Variants in EPN1 observed in about 807,000 individuals in gnomAD.
EPN1 encodes the protein epsin-1.
Under a neutral mutation model 56.9 loss-of-function variants are expected in EPN1, and 25 were observed. The ratio of observed to expected loss-of-function variants is 0.44; its 90% CI spans 0.32 to 0.61. The LOEUF is 0.61. Ranked by LOEUF, EPN1 falls within the 20% of genes least tolerant of loss-of-function variation. The pLI, the probability that EPN1 is intolerant of heterozygous loss-of-function variation, is 0.05. For synonymous variants in EPN1, 411 were observed against 361.8 expected (o/e 1.14, Z -1.54); for missense variants, 785 against 823.7 (o/e 0.95, Z 0.58).
In EPN1 at chr19:55,702,081, C is replaced by G. The variant is rs1429961645; in HGVS notation, c.*6725C>G. The G allele has an allele frequency of 6.6e-6, 1 of 151,862 alleles. No homozygotes were observed. Among genetic ancestry groups the G allele is most frequent in the Non-Finnish European group, 1.5e-5 (1 of 68,210 alleles). 9.4% of individuals were successfully genotyped at this position (151,862 alleles called of 1,614,324 possible). On this transcript the variant is annotated 3_prime_UTR_variant, in exon 11 of 11. Transcript: ENST00000270460. The stretch of plus-strand genomic sequence containing the variant: ...GGTTCAAGCAATTCTCGTGCCTCAG[C>G]CTCCCGCGTAGTCGGGATTACAGGT...
At chr19:55,677,802 T>G in intron 1 of EPN1, 1 of 1,435,678 alleles carries the variant, frequency 7.0e-7, no homozygotes, top group Non-Finnish European at 9.2e-7. Context: ...TGTCCTTGTT[T>G]CTGCTGTGGA....
chr19:55,685,724 T>A, intron 3 of EPN1, 79 bp downstream of exon 3: 1 of 1,506,010 alleles, frequency 6.6e-7, no homozygotes, highest in Non-Finnish European at 8.9e-7. Context: ...GGCCGCCCAC[T>A]GCTTTCTCTC....
chr19:55,709,275 T>C lies in EPN1; in HGVS notation c.*13919T>C. 1 of 297,526 alleles carries C rather than the reference T, an allele frequency of 3.4e-6. No homozygotes were observed. Among genetic ancestry groups the C allele is most frequent in the Non-Finnish European group, 6.1e-6 (1 of 163,010 alleles). 18.4% of individuals were successfully genotyped at this position (297,526 alleles called of 1,614,324 possible). A position where few individuals can be genotyped will look rare whatever the true frequency, so the allele number is the denominator to read the frequency against. On this transcript the variant is annotated 3_prime_UTR_variant, in exon 11 of 11. Coordinates refer to ENST00000270460, the MANE Select transcript of EPN1 (RefSeq NM_001130072.2). ...ACAGGATGTATCAATTAAGATTTAATTCAAAAAAGATGAATTTAAGTTAAA... is the reference window on the plus strand; with the variant it reads ...ACAGGATGTATCAATTAAGATTTAACTCAAAAAAGATGAATTTAAGTTAAA...
chr19:55,695,257 G>C lies in EPN1; in HGVS notation c.1632G>C (p.Ala544=). Residue 544 remains alanine (A), a synonymous_variant, in exon 11 of 11, where the codon GCG becomes GCC. Coordinates refer to ENST00000270460, the MANE Select transcript of EPN1 (RefSeq NM_001130072.2). This position sits in a 1 kb window ranked among gnomAD's most constrained non-coding sequence, Gnocchi z 4.4. Reference sequence around the variant, plus strand: ...GTCCTGTGCCTCCCGTCCCTGGAGCGCCACCCACGTACATCTCTCCCCTTG... The same window carrying C: ...GTCCTGTGCCTCCCGTCCCTGGAGCCCCACCCACGTACATCTCTCCCCTTG... ...RLSPVPPVPG[A]PPTYISPLGG... 1 of 1,609,960 alleles carries C rather than the reference G, an allele frequency of 6.2e-7. No homozygotes were observed. The highest frequency in any genetic ancestry group is 1.3e-5 in the African/African-American group (1 of 74,942).
At chr19:55,678,077 G>GAA (rs113286581) in intron 1 of EPN1, among the ~76,000 whole-genome samples, 14,854 of 152,232 alleles carry the variant, frequency 0.098, 960 homozygotes, top group East Asian at 0.29. Context: ...GTGCACCTGG[G>GAA]AAGTGTAAGC....
chr19:55,706,282 TC>T lies in EPN1; in HGVS notation c.*10927del, dbSNP rs148049682. ...TCTTCCTTTCTTCTCTTTTTCTTCT[TC>T]TTTTTTTTTTTTTTTTAAAAGACCG... On this transcript the variant is annotated 3_prime_UTR_variant, in exon 11 of 11. Coordinates refer to ENST00000270460, the MANE Select transcript of EPN1 (RefSeq NM_001130072.2). 9.4e-3 allele frequency: 963 copies of T among 102,688 alleles called. 14 individuals are homozygous for T. Among genetic ancestry groups the T allele is most frequent in the South Asian group, 0.014 (52 of 3,648 alleles). 6.4% of individuals were successfully genotyped at this position (102,688 alleles called of 1,614,324 possible).
Position 55,689,753 on chromosome 19 carries a change from T to G in EPN1, c.679-114T>G. The G allele has an allele frequency of 8.3e-6, 8 of 961,616 alleles. No homozygotes were observed. The highest frequency in any genetic ancestry group is 1.3e-5 in the Non-Finnish European group (8 of 618,194). The allele number at this position is 961,616 out of a possible 1,614,324, so 59.6% of individuals were successfully genotyped here. On this transcript the variant is annotated intron_variant, in intron 5 of 10. Transcript: ENST00000270460. This position sits in a 1 kb window ranked among gnomAD's most constrained non-coding sequence, Gnocchi z 5.7. ...CATACATTGTCCGCATCCCATCGAA[T>G]CCTTCAGCCGCTTTCGTTGGGGTGG...
Position 55,708,968 on chromosome 19 carries a change from T to C in EPN1, c.*13612T>C, listed in dbSNP as rs1420159996. On this transcript the variant is annotated 3_prime_UTR_variant, in exon 11 of 11. Transcript: ENST00000270460. The stretch of plus-strand genomic sequence containing the variant: ...TCGTCAATCCAAGGTCCATGTGAAA[T>C]GGTCAGATGGGGAATTTTTTCTTCC... 6.3e-7 allele frequency: 1 copy of C among 1,591,096 alleles called. No homozygotes were observed. The highest frequency in any genetic ancestry group is 8.5e-7 in the Non-Finnish European group (1 of 1,171,186).
At position 55,704,752 on chromosome 19, in the gene EPN1, C is replaced by T. The variant is rs111965483; in HGVS notation, c.*9396C>T. ...AGGGTCCTGCCACCTACATCTCTCT[C>T]CTTGGCCTGCCGCCTGTGATGCTCC... On this transcript the variant is annotated 3_prime_UTR_variant, in exon 11 of 11. Transcript: ENST00000270460. 0.014 allele frequency: 2,089 copies of T among 152,908 alleles called. 63 individuals carry two copies. The highest frequency in any genetic ancestry group is 0.048 in the African/African-American group (1,984 of 41,580). The allele number at this position is 152,908 out of a possible 1,614,324, so 9.5% of individuals were successfully genotyped here.
chr19:55,695,003 C>G lies in EPN1; in HGVS notation c.1522+20C>G, dbSNP rs1282386639. On this transcript the variant is annotated intron_variant, in intron 10 of 10. Coordinates refer to ENST00000270460, the MANE Select transcript of EPN1 (RefSeq NM_001130072.2). This position sits in a 1 kb window ranked among gnomAD's most constrained non-coding sequence, Gnocchi z 4.4. ...CAGGCGGTGAGTGTGGGCCCATCAC[C>G]TGCTCAAGTCCTTCCTGTGGGTTCC... 3.9e-6 allele frequency: 6 copies of G among 1,558,022 alleles called. No homozygotes were observed. The highest frequency in any genetic ancestry group is 4.3e-6 in the Non-Finnish European group (5 of 1,152,502).
At chr19:55,686,331 C>T (rs935155500) in intron 3 of EPN1, among the ~76,000 whole-genome samples, 1 of 152,162 alleles carries the variant, frequency 6.6e-6, no homozygotes, top group Non-Finnish European at 1.5e-5. Flanking sequence ...GAGGCTAGTC[C>T]GGCTGCTCAG....
intron 2 of EPN1, among the ~76,000 whole-genome samples, chr19:55,685,122 G>T (rs1003535272): frequency 1.3e-5 from 2 of 152,226 alleles, no homozygotes; most frequent in Non-Finnish European, 2.9e-5. Flanking sequence ...GATGATTCAC[G>T]TCGATGGAAC....
At position 55,689,848 on chromosome 19, in the gene EPN1, C is replaced by A; in HGVS notation, c.679-19C>A. The A allele has an allele frequency of 6.3e-7, 1 of 1,586,630 alleles. No homozygotes were observed. The stretch of plus-strand genomic sequence containing the variant: ...GCTCACGTTCTCATGTCTCCCTGGT[C>A]GTGCCCGTGCCCCAACAGGAGGAGC... On this transcript the variant is annotated intron_variant, in intron 5 of 10. Transcript: ENST00000270460. This position sits in a 1 kb window ranked among gnomAD's most constrained non-coding sequence, Gnocchi z 5.7.
chr19:55,689,739 C>A lies in EPN1; in HGVS notation c.679-128C>A. On this transcript the variant is annotated intron_variant, in intron 5 of 10. Transcript: ENST00000270460. The surrounding 1 kb of genome is among the most constrained non-coding windows in gnomAD (Gnocchi z 5.7). Reference sequence around the variant, plus strand: ...CCCCATCCCCATTTCATACATTGTCCGCATCCCATCGAATCCTTCAGCCGC... The same window carrying A: ...CCCCATCCCCATTTCATACATTGTCAGCATCCCATCGAATCCTTCAGCCGC... The A allele has an allele frequency of 1.2e-6, 1 of 848,400 alleles. No individual in the cohort carries two copies. The highest frequency in any genetic ancestry group is 1.9e-6 in the Non-Finnish European group (1 of 520,146). The allele number at this position is 848,400 out of a possible 1,614,324, so 52.6% of individuals were successfully genotyped here. A position where few individuals can be genotyped will look rare whatever the true frequency, so the allele number is the denominator to read the frequency against.
At chr19:55,677,350 A>G (rs1985505802) in intron 1 of EPN1, 2 of 715,246 alleles carry the variant, frequency 2.8e-6, no homozygotes, top group South Asian at 1.6e-5. Context: ...AGTGCCTGGC[A>G]TGGGATAAGA....
Position 55,694,538 on chromosome 19 carries a change from G to A in EPN1, c.1265-188G>A. On this transcript the variant is annotated intron_variant, in intron 9 of 10. Coordinates refer to ENST00000270460, the MANE Select transcript of EPN1 (RefSeq NM_001130072.2). The surrounding 1 kb of genome is among the most constrained non-coding windows in gnomAD (Gnocchi z 4.2). ...TCACTGGAATCAGACCCACCTTATG[G>A]GAATCTGGGCTGACGTGAGGTTTTG... The A allele has an allele frequency of 3.5e-6, 2 of 573,420 alleles. No individual in the cohort carries two copies. The highest frequency in any genetic ancestry group is 3.1e-5 in the East Asian group (1 of 31,784). The allele number at this position is 573,420 out of a possible 1,614,324, so 35.5% of individuals were successfully genotyped here. A position where few individuals can be genotyped will look rare whatever the true frequency, so the allele number is the denominator to read the frequency against.
intron 2 of EPN1, among the ~76,000 whole-genome samples, chr19:55,684,330 C>T (rs1025920393): frequency 2.6e-5 from 4 of 152,068 alleles, no homozygotes; most frequent in Non-Finnish European, 5.9e-5. Context: ...GAATCCCCTG[C>T]AGAATCAAAG....
In EPN1 at chr19:55,708,184, A is replaced by G. The variant is rs1173805672; in HGVS notation, c.*12828A>G. Reference sequence around the variant, plus strand: ...CTCATTCTCAGGAGAATCTGAGATTATATTTCAATCTAATGATAACTGATT... The same window carrying G: ...CTCATTCTCAGGAGAATCTGAGATTGTATTTCAATCTAATGATAACTGATT... On this transcript the variant is annotated 3_prime_UTR_variant, in exon 11 of 11. Coordinates refer to ENST00000270460, the MANE Select transcript of EPN1 (RefSeq NM_001130072.2). 2.6e-5 allele frequency: 4 copies of G among 152,246 alleles called. No individual in the cohort carries two copies. The East Asian group carries it at 7.7e-4, about 29-fold the overall frequency. 9.4% of individuals were successfully genotyped at this position (152,246 alleles called of 1,614,324 possible).
rs1987200756 is a variant in EPN1, at chr19:55,702,721, G to A, written c.*7365G>A. On this transcript the variant is annotated 3_prime_UTR_variant, in exon 11 of 11. Transcript: ENST00000270460. ...GATTTCTGTTTCTTACATCAATTGG[G>A]TATTGATTTCAGGTAGAATGGGTGA... 6.6e-6 allele frequency: 1 copy of A among 152,108 alleles called. No individual in the cohort carries two copies. Among genetic ancestry groups the A allele is most frequent in the Non-Finnish European group, 1.5e-5 (1 of 68,016 alleles). The allele number at this position is 152,108 out of a possible 1,614,324, so 9.4% of individuals were successfully genotyped here. A position where few individuals can be genotyped will look rare whatever the true frequency, so the allele number is the denominator to read the frequency against.
Sources: allele counts gnomAD v4.1 joint callset (sites outside exome capture counted in the v4.1 genomes callset), GRCh38; gene constraint gnomAD v4.1.1; non-coding constraint Gnocchi (gnomAD v3.1); transcripts MANE v1.5; gene names NCBI Gene and HGNC (gene_info 2026-07-23, HGNC 2026-07-21).